PTPN12: variants seen among roughly 807,000 people sequenced by gnomAD.
PTPN12 encodes the protein protein tyrosine phosphatase non-receptor type 12.
Under a neutral mutation model 97.6 loss-of-function variants are expected in PTPN12, and 29 were observed. The ratio of observed to expected loss-of-function variants is 0.30; its 90% CI spans 0.22 to 0.41. The LOEUF is 0.41. Among genes scored for constraint, PTPN12 ranks in the 10% least tolerant of loss-of-function variants. The pLI is 1.00. For synonymous variants in PTPN12, 327 were observed against 300.4 expected (o/e 1.09, Z -0.91); for missense variants, 819 against 926.0 (o/e 0.88, Z 1.50).
intron 15 of PTPN12, 100 bp from the exon 16 acceptor site, chr7:77,636,918 C>A: frequency 1.3e-6 from 1 of 788,870 alleles, no homozygotes; most frequent in Non-Finnish European, 2.0e-6. Flanking sequence ...AAATGATAGG[C>A]CTTGATTTCT....
At chr7:77,610,163 A>T (rs192173338) in intron 9 of PTPN12, among the ~76,000 whole-genome samples, 2 of 152,224 alleles carry the variant, frequency 1.3e-5, no homozygotes, top group Non-Finnish European at 2.9e-5. Context: ...AGAATTGTCT[A>T]GGTCGTTTCA....
At chr7:77,591,950 A>G (rs1584157181) in intron 5 of PTPN12, among the ~76,000 whole-genome samples, 1 of 152,278 alleles carries the variant, frequency 6.6e-6, no homozygotes, top group East Asian at 1.9e-4. Flanking sequence ...GATAGCAATG[A>G]ACAGTTATGC....
intron 5 of PTPN12, among the ~76,000 whole-genome samples, chr7:77,586,238 G>A (rs748333753): frequency 4.6e-5 from 7 of 152,204 alleles, no homozygotes; most frequent in Non-Finnish European, 1.0e-4. Context: ...ATAGACGTGA[G>A]CCACTGCGCC....
rs2151416964 is a variant in PTPN12 at position 77,639,667 on chromosome 7, T to A, written c.*387T>A. The A allele has an allele frequency of 6.2e-6, 1 of 161,290 alleles. No individual in the cohort carries two copies. Among genetic ancestry groups the A allele is most frequent in the Non-Finnish European group, 1.4e-5 (1 of 74,016 alleles). 10.0% of individuals were successfully genotyped at this position (161,290 alleles called of 1,614,324 possible). On this transcript the variant is annotated 3_prime_UTR_variant, in exon 18 of 18. Coordinates refer to ENST00000248594, the MANE Select transcript of PTPN12 (RefSeq NM_002835.4). ...GATAAAGTTGCAATTGAAATATTAT[T>A]AACAGAAGATGTAAGAAATTTCTGC...
chr7:77,539,896 C>G (rs1002701351), intron 1 of PTPN12, among the ~76,000 whole-genome samples: 1 of 152,178 alleles, frequency 6.6e-6, no homozygotes, highest in South Asian at 2.1e-4. Context: ...GCAGGCTGCT[C>G]TCGAACTCCT....
At chr7:77,557,607 AGAT>A (rs1489317512) in intron 1 of PTPN12, among the ~76,000 whole-genome samples, 3 of 152,330 alleles carry the variant, frequency 2.0e-5, no homozygotes, top group Non-Finnish European at 4.4e-5. Flanking sequence ...CTGTGGCATT[AGAT>A]ACATTCACAC....
At chr7:77,597,383 G>A (rs548208482) in intron 6 of PTPN12, among the ~76,000 whole-genome samples, 4 of 152,218 alleles carry the variant, frequency 2.6e-5, no homozygotes, top group South Asian at 4.1e-4. Context: ...TCAGCCTCCT[G>A]AAGTGCTGGA....
At chr7:77,627,824 A>G (rs1042726872) in intron 13 of PTPN12, 149 bp downstream of exon 13, 3 of 729,018 alleles carry the variant, frequency 4.1e-6, no homozygotes, top group Non-Finnish European at 6.0e-6. Flanking sequence ...ATTTTTTAAT[A>G]TAAGCTTTTA....
intron 5 of PTPN12, among the ~76,000 whole-genome samples, chr7:77,589,907 C>G (rs1009225892): frequency 6.6e-6 from 1 of 152,084 alleles, no homozygotes; most frequent in Non-Finnish European, 1.5e-5. Context: ...AATCAAGTAG[C>G]ATTGAGTACA....
intron 3 of PTPN12, 46 bp from the exon 4 acceptor site, chr7:77,583,509 T>C (rs1168888855): frequency 8.4e-7 from 1 of 1,193,874 alleles, no homozygotes; most frequent in Non-Finnish European, 1.2e-6. Flanking sequence ...ATGAAATATT[T>C]TTGGTAATCA....
chr7:77,571,778 A>G (rs1472461270), intron 2 of PTPN12, among the ~76,000 whole-genome samples: 2 of 151,810 alleles, frequency 1.3e-5, no homozygotes, highest in Non-Finnish European at 2.9e-5. Context: ...GGCTGGTCTC[A>G]AACTCCTGAG....
At chr7:77,614,992 G>A (rs1301950705) in intron 11 of PTPN12, among the ~76,000 whole-genome samples, 1 of 152,172 alleles carries the variant, frequency 6.6e-6, no homozygotes, top group Non-Finnish European at 1.5e-5. Flanking sequence ...TATAACTACA[G>A]TGACTTCCTG....
At chr7:77,583,472 A>G (rs1787587271) in intron 3 of PTPN12, 83 bp from the exon 4 acceptor site, 1 of 856,074 alleles carries the variant, frequency 1.2e-6, no homozygotes, top group South Asian at 1.6e-5. Context: ...TATTACTAAT[A>G]CAATTTGAAA....
At chr7:77,552,674 A>C (rs574262526) in intron 1 of PTPN12, among the ~76,000 whole-genome samples, 1 of 152,206 alleles carries the variant, frequency 6.6e-6, no homozygotes, top group Non-Finnish European at 1.5e-5. Context: ...AAAAGTAAAA[A>C]TAGGCAGGGA....
At chr7:77,602,085 C>T (rs1418780287) in intron 8 of PTPN12, among the ~76,000 whole-genome samples, 1 of 151,398 alleles carries the variant, frequency 6.6e-6, no homozygotes, top group Non-Finnish European at 1.5e-5. Flanking sequence ...CAAAATTACT[C>T]GTTTGGATGT....
At chr7:77,559,103 G>A (rs1807873090) in intron 1 of PTPN12, among the ~76,000 whole-genome samples, 1 of 152,210 alleles carries the variant, frequency 6.6e-6, no homozygotes, top group Non-Finnish European at 1.5e-5. Context: ...CTTAGGCAGA[G>A]TGCCTGTGTA....
At position 77,619,247 on chromosome 7, in the gene PTPN12, T is replaced by C. The variant is rs116134386; in HGVS notation, c.1025+682T>C. On this transcript the variant is annotated intron_variant, in intron 12 of 17. Coordinates refer to ENST00000248594, the MANE Select transcript of PTPN12 (RefSeq NM_002835.4). ...TATTTTATAGTGTCTTTCTTGCACA[T>C]AGATCTGCCAAAACTGATCGACTTC... 5.3e-3 allele frequency among the ~76,000 whole-genome samples: 809 copies of C among 152,306 alleles called. 7 individuals are homozygous for C. The highest frequency in any genetic ancestry group is 0.018 in the African/African-American group (765 of 41,564).
intron 1 of PTPN12, among the ~76,000 whole-genome samples, chr7:77,558,293 T>C (rs1347485633): frequency 2.0e-5 from 3 of 151,794 alleles, no homozygotes; most frequent in African/African-American, 7.3e-5. Context: ...CTAGGTCCAT[T>C]AAGGGGAGGG....
At chr7:77,590,874 A>T (rs1462998619) in intron 5 of PTPN12, among the ~76,000 whole-genome samples, 4 of 137,026 alleles carry the variant, frequency 2.9e-5, no homozygotes, top group East Asian at 4.0e-4. Flanking sequence ...TCCATCTATT[A>T]AAAAAAAAAA....
Sources: gnomAD v4.1 joint callset for allele counts (sites outside exome capture counted in the v4.1 genomes callset) on GRCh38, gnomAD v4.1.1 for gene constraint, MANE v1.5 for transcripts, NCBI Gene and HGNC (gene_info 2026-07-23, HGNC 2026-07-21) for gene names.